The following OSBPL9 variants were observed in gnomAD, a reference collection of about 807,000 sequenced individuals.
OSBPL9 encodes oxysterol binding protein like 9.
In OSBPL9, 40 loss-of-function variants were observed where a neutral mutation model predicts 106.6. That is an observed-to-expected ratio of 0.38 (90% CI 0.29 to 0.49). OSBPL9 has a LOEUF of 0.49. Among genes scored for constraint, OSBPL9 ranks in the 20% least tolerant of loss-of-function variants. The probability of loss-of-function intolerance (pLI) is 0.97; values close to 1 mark genes in which losing one functional copy is unlikely to be tolerated. For synonymous variants in OSBPL9, 269 were observed against 295.4 expected (o/e 0.91, Z 0.92); for missense variants, 609 against 887.2 (o/e 0.69, Z 3.98).
intron 2 of OSBPL9, among the ~76,000 whole-genome samples, chr1:51,600,537 T>C (rs1442051978): frequency 6.6e-6 from 1 of 152,210 alleles, no homozygotes; most frequent in Non-Finnish European, 1.5e-5. Context: ...CTTTTTTTCT[T>C]CTGGTTTTAA....
chr1:51,722,969 TAACAACAACAGC>T (rs1449801575), intron 4 of OSBPL9, among the ~76,000 whole-genome samples: 1 of 152,242 alleles, frequency 6.6e-6, no homozygotes, highest in Admixed American at 6.5e-5. Context: ...TGATTAACTA[TAACAACAACAGC>T]AACAACAACA....
chr1:51,563,204 T>C, the OSBPL9 span, among the ~76,000 whole-genome samples: 1 of 152,162 alleles, frequency 6.6e-6, no homozygotes, highest in Admixed American at 6.5e-5. Context: ...AGCAACGCTC[T>C]GTCTCAAAAT....
intron 4 of OSBPL9, among the ~76,000 whole-genome samples, chr1:51,726,943 A>G (rs1488576136): frequency 2.6e-5 from 4 of 152,210 alleles, no homozygotes; most frequent in Non-Finnish European, 5.9e-5. Context: ...CTAACTTTAC[A>G]CTAAGATTAG....
intron 3 of OSBPL9, among the ~76,000 whole-genome samples, chr1:51,684,623 C>T (rs377587108): frequency 1.1e-4 from 16 of 149,542 alleles, no homozygotes; most frequent in South Asian, 4.3e-4. Context: ...CTCTGCCTTC[C>T]GGGTTCAAGT....
chr1:51,716,674 G>T (rs184536067), intron 4 of OSBPL9, among the ~76,000 whole-genome samples: 1 of 152,174 alleles, frequency 6.6e-6, no homozygotes, highest in Non-Finnish European at 1.5e-5. Flanking sequence ...AATGGTTGAT[G>T]TAGAGATTGC....
chr1:51,727,694 C>T (rs760071833), intron 4 of OSBPL9, among the ~76,000 whole-genome samples: 5 of 152,126 alleles, frequency 3.3e-5, no homozygotes, highest in Non-Finnish European at 7.4e-5. Context: ...TAAATTATGA[C>T]TCTATAAAGT....
intron 4 of OSBPL9, among the ~76,000 whole-genome samples, chr1:51,741,036 A>T (rs1187159876): frequency 6.7e-6 from 1 of 149,424 alleles, no homozygotes; most frequent in Admixed American, 6.7e-5. Context: ...AGTTACGTGT[A>T]TGTGTAAAGT....
intron 1 of OSBPL9, among the ~76,000 whole-genome samples, chr1:51,626,709 A>C (rs1159909475): frequency 6.6e-6 from 1 of 151,300 alleles, no homozygotes; most frequent in Non-Finnish European, 1.5e-5. Context: ...TGGTAGAGTT[A>C]GGGTCCCACT....
intron 1 of OSBPL9, among the ~76,000 whole-genome samples, chr1:51,594,272 G>A (rs574563365): frequency 7.8e-4 from 119 of 152,130 alleles, no homozygotes; most frequent in African/African-American, 2.1e-3. Flanking sequence ...ATAGCCGGGC[G>A]TGGTGGCGGG....
chr1:51,711,994 C>G (rs1253409276), intron 3 of OSBPL9, among the ~76,000 whole-genome samples: 2 of 152,114 alleles, frequency 1.3e-5, no homozygotes, highest in Admixed American at 1.3e-4. Context: ...AGACACTCCT[C>G]ACTTCCCAGA....
chr1:51,772,795 G>C lies in OSBPL9; in HGVS notation c.1170+72G>C, dbSNP rs370328851. The C allele has an allele frequency of 7.4e-4, 733 of 991,564 alleles. 10 individuals are homozygous for C. In the South Asian group the frequency reaches 7.7e-3, roughly 10 times the overall value. The allele number at this position is 991,564 out of a possible 1,614,324, so 61.4% of individuals were successfully genotyped here. ...CAGTGATTGCGTGGTGAGTGTGCCT[G>C]CAAATGTAGTAAAATGACATAATTT... On this transcript the variant is annotated intron_variant, in intron 14 of 23. Transcript: ENST00000428468.
At chr1:51,533,245 G>A in the OSBPL9 span, among the ~76,000 whole-genome samples, 1 of 152,176 alleles carries the variant, frequency 6.6e-6, no homozygotes, top group Admixed American at 6.5e-5. Context: ...ACTTTGGAAG[G>A]CTGAGGTGGG....
chr1:51,732,475 A>T (rs1019293049), intron 4 of OSBPL9, among the ~76,000 whole-genome samples: 4 of 152,240 alleles, frequency 2.6e-5, no homozygotes, highest in African/African-American at 4.8e-5. Flanking sequence ...AATAGTTCTT[A>T]TACTGACAAT....
chr1:51,556,357 C>A, the OSBPL9 span, among the ~76,000 whole-genome samples: 1 of 151,982 alleles, frequency 6.6e-6, no homozygotes, highest in African/African-American at 2.4e-5. Flanking sequence ...ATTTGTATAA[C>A]CAACTGGAAA....
At chr1:51,710,080 T>C (rs1345234334) in intron 3 of OSBPL9, 1 of 152,226 alleles carries the variant, frequency 6.6e-6, no homozygotes, top group Admixed American at 6.5e-5. Flanking sequence ...AGGGCTGAGG[T>C]AGGCTCTAGA....
intron 3 of OSBPL9, among the ~76,000 whole-genome samples, chr1:51,691,113 C>G (rs1202275160): frequency 6.6e-6 from 1 of 152,080 alleles, no homozygotes; most frequent in African/African-American, 2.4e-5. Flanking sequence ...TTGGAAGTTG[C>G]TCTGGGTGAG....
chr1:51,715,869 T>C (rs1660959765), intron 4 of OSBPL9, among the ~76,000 whole-genome samples: 1 of 152,256 alleles, frequency 6.6e-6, no homozygotes, highest in Admixed American at 6.5e-5. Flanking sequence ...AACTGACCTC[T>C]TCTATGAACC....
At chr1:51,542,374 C>G in the OSBPL9 span, among the ~76,000 whole-genome samples, 33 of 152,206 alleles carry the variant, frequency 2.2e-4, no homozygotes, top group Non-Finnish European at 4.3e-4. Context: ...TCTAGACTCC[C>G]ACGCAAGGTC....
chr1:51,519,124 A>AT, the OSBPL9 span: 2 of 1,049,558 alleles, frequency 1.9e-6, no homozygotes, highest in Non-Finnish European at 2.7e-6. Flanking sequence ...ACAAGCCAAG[A>AT]AGTCGGCGAA....
Sources: gnomAD v4.1 joint callset for allele counts (sites outside exome capture counted in the v4.1 genomes callset) on GRCh38, gnomAD v4.1.1 for gene constraint, MANE v1.5 for transcripts, NCBI Gene and HGNC (gene_info 2026-07-23, HGNC 2026-07-21) for gene names.